The following SLC11A2 variants were observed in gnomAD, a reference collection of about 807,000 sequenced individuals.
The protein encoded by SLC11A2 is natural resistance-associated macrophage protein 2.
SLC11A2 carries 38 observed loss-of-function variants against 68.0 expected under a neutral mutation model. The observed-to-expected ratio is 0.56, with a 90% CI of 0.43 to 0.73. SLC11A2 has a LOEUF of 0.73. SLC11A2 is among the 30% of genes least tolerant of loss of function. The probability of loss-of-function intolerance (pLI) is 0.00; values close to 1 mark genes in which losing one functional copy is unlikely to be tolerated. For missense variants in SLC11A2, 517 were observed against 690.5 expected, an observed-to-expected ratio of 0.75 and a Z score of 2.82; for synonymous variants, 242 against 250.6, an observed-to-expected ratio of 0.97 and a Z score of 0.32.
At chr12:51,003,874 A>C (rs1942492421) in intron 5 of SLC11A2, among the ~76,000 whole-genome samples, 1 of 152,072 alleles carries the variant, frequency 6.6e-6, no homozygotes, top group South Asian at 2.1e-4. Context: ...TGGGAGGTCA[A>C]GGCTGCAGTG....
the SLC11A2 span, among the ~76,000 whole-genome samples, chr12:50,965,753 T>C: frequency 1.3e-5 from 2 of 152,204 alleles, no homozygotes; most frequent in Non-Finnish European, 1.5e-5. Flanking sequence ...TTTCCCTTCC[T>C]TGGTGAACAG....
At chr12:51,008,066 T>C (rs953557069) in intron 3 of SLC11A2, 12 of 165,162 alleles carry the variant, frequency 7.3e-5, no homozygotes, top group Non-Finnish European at 1.5e-4. Flanking sequence ...GAGCCTGGCA[T>C]GGTGGCATGC....
intron 1 of SLC11A2, among the ~76,000 whole-genome samples, chr12:51,015,743 T>C (rs1266848835): frequency 1.3e-5 from 2 of 152,202 alleles, no homozygotes; most frequent in Non-Finnish European, 1.5e-5. Context: ...ATCACAATTA[T>C]GATTAACATT....
At chr12:50,957,724 A>G in the SLC11A2 span, among the ~76,000 whole-genome samples, 2 of 151,602 alleles carry the variant, frequency 1.3e-5, no homozygotes, top group African/African-American at 4.8e-5. Context: ...ATGTCTACTA[A>G]AAATACAAAA....
the SLC11A2 span, among the ~76,000 whole-genome samples, chr12:50,963,820 T>C: frequency 2.0e-5 from 3 of 152,218 alleles, no homozygotes; most frequent in African/African-American, 4.8e-5. Context: ...GAAAATGCAG[T>C]TACAGGCTAC....
the SLC11A2 span, chr12:50,954,275 G>T: frequency 8.7e-6 from 4 of 460,366 alleles, no homozygotes; most frequent in East Asian, 3.3e-5. Context: ...CCCAGTAAAT[G>T]TTAGCTGTTA....
At chr12:51,027,388 G>C (rs754936504), upstream of SLC11A2, among the ~76,000 whole-genome samples, 2 of 151,636 alleles carry the variant, frequency 1.3e-5, no homozygotes, top group Admixed American at 1.3e-4. Flanking sequence ...CGCCCCCAGA[G>C]CCACATCATA....
At chr12:51,016,906 G>A (rs775106712) in intron 1 of SLC11A2, among the ~76,000 whole-genome samples, 2 of 150,422 alleles carry the variant, frequency 1.3e-5, no homozygotes, top group African/African-American at 2.5e-5. Flanking sequence ...CTGTAGTCCC[G>A]GGAGGCTAAG....
At chr12:51,000,046 T>C (rs1174778921) in intron 6 of SLC11A2, among the ~76,000 whole-genome samples, 1 of 151,892 alleles carries the variant, frequency 6.6e-6, no homozygotes, top group African/African-American at 2.4e-5. Context: ...AAAGATAGTA[T>C]CTAGCGGGAT....
chr12:50,974,747 C>T (rs1035422655), downstream of SLC11A2, among the ~76,000 whole-genome samples: 3 of 152,152 alleles, frequency 2.0e-5, no homozygotes, highest in Non-Finnish European at 1.5e-5. Flanking sequence ...GGAAACCCAT[C>T]TCATGTGCAG....
intron 5 of SLC11A2, among the ~76,000 whole-genome samples, chr12:51,001,902 T>C (rs1245441780): frequency 1.3e-5 from 2 of 152,148 alleles, no homozygotes; most frequent in African/African-American, 2.4e-5. Flanking sequence ...AATGCCCACG[T>C]ATGCAAAAGG....
chr12:51,027,147 C>G (rs952794752), upstream of SLC11A2, among the ~76,000 whole-genome samples: 1 of 150,206 alleles, frequency 6.7e-6, no homozygotes, highest in Non-Finnish European at 1.5e-5. Flanking sequence ...TGCACTCCAG[C>G]CTTGGAAACA....
At chr12:51,023,114 T>A (rs1050649197) in intron 1 of SLC11A2, among the ~76,000 whole-genome samples, 2 of 152,200 alleles carry the variant, frequency 1.3e-5, no homozygotes, top group Non-Finnish European at 2.9e-5. Flanking sequence ...GGCCAATTAA[T>A]GTAAATTGCT....
At chr12:51,025,853 T>C (rs1046525978) in intron 1 of SLC11A2, 1 of 988,520 alleles carries the variant, frequency 1.0e-6, no homozygotes, top group Non-Finnish European at 1.2e-6. Context: ...AGTCTTTTGT[T>C]GAAGCGGGGC....
At chr12:50,982,955 A>AC (rs1379245733), downstream of SLC11A2, among the ~76,000 whole-genome samples, 7 of 151,822 alleles carry the variant, frequency 4.6e-5, no homozygotes, top group Non-Finnish European at 1.0e-4. Flanking sequence ...AAAAAAAAAA[A>AC]AACCCACAAT....
Position 50,992,249 on chromosome 12 carries a change from G to A in SLC11A2, c.1288C>T (p.Gln430Ter). 1 of 1,613,958 alleles carries A rather than the reference G, an allele frequency of 6.2e-7. No individual in the cohort carries two copies. The highest frequency in any genetic ancestry group is 8.5e-7 in the Non-Finnish European group (1 of 1,179,908). Residue 430 changes from glutamine to a stop codon, truncating the protein, a stop_gained, in exon 13 of 16, where the codon CAA becomes TAA. Transcript: ENST00000262052. LOFTEE classifies it high-confidence loss of function. ...IIPTLLVAVFQDVEHLTGMND... is the reference protein window; with the variant it reads ...IIPTLLVAVF ...ATCCCTGTTAGATGCTCTACATCTT[G>A]GAAGACAGCAACAAGCAGAGTGGGG...
chr12:50,976,397 G>C (rs1275610408), downstream of SLC11A2, among the ~76,000 whole-genome samples: 1 of 152,152 alleles, frequency 6.6e-6, no homozygotes, highest in Non-Finnish European at 1.5e-5. Context: ...AAAACTAAAT[G>C]ATCATTTCAA....
In SLC11A2 at chr12:50,988,036, G is replaced by T. The variant is rs1422830441; in HGVS notation, c.*289C>A. The T allele has an allele frequency of 7.3e-7, 1 of 1,378,880 alleles. No individual in the cohort carries two copies. Among genetic ancestry groups the T allele is most frequent in the Non-Finnish European group, 9.5e-7 (1 of 1,048,714 alleles). 85.4% of individuals were successfully genotyped at this position (1,378,880 alleles called of 1,614,324 possible). ...CATGCATATCCTTGTCTCTCCGAAG[G>T]ATAAACTGAGCTGGCCCTTGGGCAA... On this transcript the variant is annotated 3_prime_UTR_variant, in exon 16 of 16. Transcript: ENST00000262052.
At chr12:50,999,274 A>C (rs776217941) in intron 7 of SLC11A2, 33 bp from the exon 8 acceptor site, 1 of 1,612,308 alleles carries the variant, frequency 6.2e-7, no homozygotes, top group Non-Finnish European at 8.5e-7. Flanking sequence ...GAGCTCAGAG[A>C]AGGTAGACTT....
Sources: allele counts gnomAD v4.1 joint callset (sites outside exome capture counted in the v4.1 genomes callset), GRCh38; gene constraint gnomAD v4.1.1; transcripts MANE v1.5; gene names NCBI Gene and HGNC (gene_info 2026-07-23, HGNC 2026-07-21).